Variants in L3MBTL4 observed in about 807,000 individuals in gnomAD.
The protein encoded by L3MBTL4 is L3MBTL histone methyl-lysine binding protein 4.
Under a neutral mutation model 84.5 loss-of-function variants are expected in L3MBTL4, and 70 were observed. The observed-to-expected ratio is 0.83, with a 90% CI of 0.68 to 1.01. L3MBTL4 has a LOEUF of 1.01. Among genes scored for constraint, L3MBTL4 ranks in the 50% least tolerant of loss-of-function variants. L3MBTL4 has a pLI of 0.00. For synonymous variants in L3MBTL4, 274 were observed against 259.8 expected (o/e 1.05, Z -0.52); for missense variants, 715 against 754.8 (o/e 0.95, Z 0.62).
At chr18:6,064,244 C>T (rs1017311878) in intron 16 of L3MBTL4, among the ~76,000 whole-genome samples, 11 of 151,728 alleles carry the variant, frequency 7.2e-5, no homozygotes, top group African/African-American at 2.7e-4. Context: ...AGTACCATGC[C>T]GCTTTGATAA....
At chr18:6,091,758 T>A (rs1055819198) in intron 15 of L3MBTL4, among the ~76,000 whole-genome samples, 13 of 152,212 alleles carry the variant, frequency 8.5e-5, no homozygotes, top group African/African-American at 3.1e-4. Context: ...CTGTTTCATT[T>A]CTGTGATTTT....
chr18:5,989,374 A>G (rs1333516426), intron 16 of L3MBTL4, among the ~76,000 whole-genome samples: 1 of 151,526 alleles, frequency 6.6e-6, no homozygotes, highest in Non-Finnish European at 1.5e-5. Flanking sequence ...GGCAGAATGC[A>G]GCATGAGCAG....
At chr18:6,063,365 C>T (rs2057299524) in intron 16 of L3MBTL4, among the ~76,000 whole-genome samples, 1 of 139,528 alleles carries the variant, frequency 7.2e-6, no homozygotes, top group African/African-American at 2.8e-5. Context: ...GACTTATTTG[C>T]CTTTGGGTAG....
chr18:6,068,087 T>G, intron 16 of L3MBTL4, among the ~76,000 whole-genome samples: 1 of 152,170 alleles, frequency 6.6e-6, no homozygotes, highest in Non-Finnish European at 1.5e-5. Context: ...TAAAGAGAGT[T>G]TTTGTGCGCT....
chr18:6,218,615 CG>C (rs2046422952), intron 10 of L3MBTL4, among the ~76,000 whole-genome samples: 1 of 152,116 alleles, frequency 6.6e-6, no homozygotes, highest in South Asian at 2.1e-4. Context: ...AGGCTGTGAC[CG>C]TTTTAAATGG....
intron 13 of L3MBTL4, among the ~76,000 whole-genome samples, chr18:6,148,784 CA>C (rs900231311): frequency 4.6e-5 from 7 of 151,734 alleles, no homozygotes; most frequent in African/African-American, 1.7e-4. Flanking sequence ...TTGGCATACA[CA>C]AAAAAATGTT....
chr18:6,269,210 C>A (rs1394432652), intron 4 of L3MBTL4, among the ~76,000 whole-genome samples: 1 of 152,188 alleles, frequency 6.6e-6, no homozygotes, highest in Non-Finnish European at 1.5e-5. Context: ...CGCCTGTAAT[C>A]CCAGCACTTG....
At chr18:6,120,512 C>T (rs971083747) in intron 14 of L3MBTL4, among the ~76,000 whole-genome samples, 1 of 152,172 alleles carries the variant, frequency 6.6e-6, no homozygotes, top group Non-Finnish European at 1.5e-5. Context: ...TGAAGTAGAA[C>T]TTTATATAGA....
At chr18:6,307,811 G>T (rs934244135) in intron 3 of L3MBTL4, among the ~76,000 whole-genome samples, 1 of 152,248 alleles carries the variant, frequency 6.6e-6, no homozygotes, top group East Asian at 1.9e-4. Flanking sequence ...GAGGGAGAAT[G>T]GGAATTAACA....
rs527325282 is a variant in L3MBTL4 at position 6,048,112 on chromosome 18, A to G, written c.1444+32769T>C. On this transcript the variant is annotated intron_variant, in intron 16 of 18. Transcript: ENST00000317931. ...TCAGTAGCATTTGTACACACCAATA[A>G]CATTCAAGCTGAGAGCCAAATCATT... 5.3e-5 allele frequency among the ~76,000 whole-genome samples: 8 copies of G among 152,356 alleles called. No individual in the cohort carries two copies. In the South Asian group the frequency reaches 1.7e-3, roughly 32 times the overall value.
intron 5 of L3MBTL4, among the ~76,000 whole-genome samples, chr18:6,252,139 C>T (rs1206948052): frequency 6.6e-6 from 1 of 152,114 alleles, no homozygotes; most frequent in Non-Finnish European, 1.5e-5. Flanking sequence ...TGGCTAAACC[C>T]CGTCTCTACT....
chr18:6,237,580 C>A (rs552122587), intron 10 of L3MBTL4, among the ~76,000 whole-genome samples: 16 of 151,298 alleles, frequency 1.1e-4, no homozygotes, highest in Non-Finnish European at 1.9e-4. Context: ...CTCAGCCTCC[C>A]AAGTAGCTGG....
intron 1 of L3MBTL4, among the ~76,000 whole-genome samples, chr18:6,399,431 A>G (rs1182221227): frequency 1.3e-5 from 2 of 151,878 alleles, no homozygotes; most frequent in Non-Finnish European, 2.9e-5. Context: ...GCAAGACTCC[A>G]TCACAAAAAA....
At chr18:6,358,084 T>C (rs1167668146) in intron 1 of L3MBTL4, among the ~76,000 whole-genome samples, 11 of 152,190 alleles carry the variant, frequency 7.2e-5, no homozygotes, top group Admixed American at 7.2e-4. Context: ...GAAAATCAAC[T>C]TTCCATAAAT....
intron 1 of L3MBTL4, among the ~76,000 whole-genome samples, chr18:6,387,126 C>T (rs1331950199): frequency 2.6e-5 from 4 of 152,266 alleles, no homozygotes. Context: ...AAAACACACA[C>T]ACAAGAGAAA....
intron 5 of L3MBTL4, among the ~76,000 whole-genome samples, chr18:6,256,143 C>T (rs2048129205): frequency 6.6e-6 from 1 of 152,200 alleles, no homozygotes; most frequent in South Asian, 2.1e-4. Context: ...GAACAATCTT[C>T]CTGCACCTGC....
intron 17 of L3MBTL4, among the ~76,000 whole-genome samples, chr18:5,963,307 A>G (rs182036276): frequency 6.6e-6 from 1 of 152,372 alleles, no homozygotes; most frequent in East Asian, 1.9e-4. Context: ...CTGGGCAAAC[A>G]AAAAAAGGAC....
intron 16 of L3MBTL4, among the ~76,000 whole-genome samples, chr18:6,011,388 G>A (rs2054729887): frequency 6.6e-6 from 1 of 152,132 alleles, no homozygotes; most frequent in Non-Finnish European, 1.5e-5. Context: ...TTGCTGGTGA[G>A]GCCAAAGTTT....
chr18:6,263,159 T>A (rs2048480573), intron 5 of L3MBTL4, among the ~76,000 whole-genome samples: 1 of 151,430 alleles, frequency 6.6e-6, no homozygotes, highest in South Asian at 2.1e-4. Context: ...AATCCCAGCT[T>A]CTCAGATGCT....
Sources: allele counts gnomAD v4.1 joint callset (sites outside exome capture counted in the v4.1 genomes callset), GRCh38; gene constraint gnomAD v4.1.1; transcripts MANE v1.5; gene names NCBI Gene and HGNC (gene_info 2026-07-23, HGNC 2026-07-21).